AKT3: variants seen among roughly 807,000 people sequenced by gnomAD.
AKT3 encodes AKT serine/threonine kinase 3.
A neutral mutation model predicts 65.3 loss-of-function variants in AKT3; 15 were observed. That is an observed-to-expected ratio of 0.23 (90% CI 0.15 to 0.35). AKT3 has a LOEUF of 0.35. Ranked by LOEUF, AKT3 falls within the 10% of genes least tolerant of loss-of-function variation. AKT3 has a pLI of 1.00. For synonymous variants in AKT3, 206 were observed against 183.8 expected (o/e 1.12, Z -0.98); for missense variants, 243 against 576.5 (o/e 0.42, Z 5.92).
intron 8 of AKT3, among the ~76,000 whole-genome samples, chr1:243,586,789 C>A (rs1675844229): frequency 6.6e-6 from 1 of 151,888 alleles, no homozygotes; most frequent in Non-Finnish European, 1.5e-5. Flanking sequence ...AGTACCTGAT[C>A]ATGGGATCAT....
chr1:243,516,647 G>GCCTCA (rs1670375618), intron 12 of AKT3, among the ~76,000 whole-genome samples: 3 of 151,976 alleles, frequency 2.0e-5, no homozygotes, highest in African/African-American at 7.3e-5. Flanking sequence ...CAAAACTCCT[G>GCCTCA]GCCTCGAGCA....
At chr1:243,591,247 G>T (rs1301661764) in intron 8 of AKT3, among the ~76,000 whole-genome samples, 1 of 152,116 alleles carries the variant, frequency 6.6e-6, no homozygotes, top group African/African-American at 2.4e-5. Flanking sequence ...TAACAGAAAG[G>T]CAAAAATATT....
At position 243,610,688 on chromosome 1, in the gene AKT3, C is replaced by T. The variant is rs560965291; in HGVS notation, c.696+2983G>A. 3.0e-4 allele frequency among the ~76,000 whole-genome samples: 45 copies of T among 152,244 alleles called. 2 individuals carry two copies. The South Asian group carries it at 9.1e-3, about 31-fold the overall frequency. ...TGAAAAGTCTTCCTCCTATCTTATC[C>T]CTGGCCACTCAGTTTATTTTCCCAA... On this transcript the variant is annotated intron_variant, in intron 8 of 13. Transcript: ENST00000673466.
intron 8 of AKT3, among the ~76,000 whole-genome samples, chr1:243,575,891 AAACACATGTAGGG>A (rs988062376): frequency 6.6e-6 from 1 of 152,166 alleles, no homozygotes; most frequent in Non-Finnish European, 1.5e-5. Context: ...AATGGCAAGA[AAACACATGTAGGG>A]AACACATGTA....
chr1:243,766,364 T>C (rs1198881531), intron 2 of AKT3, among the ~76,000 whole-genome samples: 4 of 152,174 alleles, frequency 2.6e-5, no homozygotes, highest in African/African-American at 7.2e-5. Flanking sequence ...TAATTTTAAA[T>C]TGCAATTAGT....
intron 8 of AKT3, among the ~76,000 whole-genome samples, chr1:243,598,333 G>A (rs1328168460): frequency 6.6e-6 from 1 of 152,060 alleles, no homozygotes. Context: ...ATTATTTGCT[G>A]CTAAAATAGG....
intron 2 of AKT3, among the ~76,000 whole-genome samples, chr1:243,701,974 T>C (rs1685492015): frequency 6.6e-6 from 1 of 152,128 alleles, no homozygotes; most frequent in Non-Finnish European, 1.5e-5. Flanking sequence ...TTACCATGTA[T>C]GATTATTTGT....
At chr1:243,679,993 T>C (rs1683804765) in intron 3 of AKT3, among the ~76,000 whole-genome samples, 1 of 152,202 alleles carries the variant, frequency 6.6e-6, no homozygotes, top group African/African-American at 2.4e-5. Flanking sequence ...TTATTACATG[T>C]TTATTTTTAA....
chr1:243,746,463 G>A (rs1180283433), intron 2 of AKT3, among the ~76,000 whole-genome samples: 1 of 152,158 alleles, frequency 6.6e-6, no homozygotes, highest in Non-Finnish European at 1.5e-5. Flanking sequence ...AAACTTTAGA[G>A]AAAATTTCTG....
intron 8 of AKT3, among the ~76,000 whole-genome samples, chr1:243,591,887 A>C (rs1411132556): frequency 6.6e-6 from 1 of 152,214 alleles, no homozygotes; most frequent in East Asian, 1.9e-4. Flanking sequence ...GAACATTAGT[A>C]AACAGTGGGA....
chr1:243,586,175 A>G (rs1675786509), intron 8 of AKT3, among the ~76,000 whole-genome samples: 2 of 152,198 alleles, frequency 1.3e-5, no homozygotes, highest in Admixed American at 1.3e-4. Flanking sequence ...CCACAATGAG[A>G]TATCATCTCA....
intron 2 of AKT3, among the ~76,000 whole-genome samples, chr1:243,783,578 A>T (rs1691048507): frequency 6.6e-6 from 1 of 152,254 alleles, no homozygotes; most frequent in African/African-American, 2.4e-5. Flanking sequence ...AAAAAAATTT[A>T]AAAATTTGTA....
chr1:243,812,624 G>T (rs1693237143), intron 2 of AKT3, among the ~76,000 whole-genome samples: 1 of 152,118 alleles, frequency 6.6e-6, no homozygotes, highest in African/African-American at 2.4e-5. Context: ...ATTCCTCAGG[G>T]ATCTAGAACT....
At chr1:243,602,476 T>C (rs981245502) in intron 8 of AKT3, among the ~76,000 whole-genome samples, 2 of 152,180 alleles carry the variant, frequency 1.3e-5, no homozygotes, top group Non-Finnish European at 2.9e-5. Flanking sequence ...ACTATGAATA[T>C]GAAATGATAA....
chr1:243,842,871 T>C (rs546042481), intron 2 of AKT3, among the ~76,000 whole-genome samples: 1 of 152,324 alleles, frequency 6.6e-6, no homozygotes, highest in Non-Finnish European at 1.5e-5. Flanking sequence ...CAACACTTTC[T>C]GTAACACGCT....
intron 8 of AKT3, among the ~76,000 whole-genome samples, chr1:243,604,351 C>T (rs1362544720): frequency 6.6e-6 from 1 of 152,166 alleles, no homozygotes; most frequent in Non-Finnish European, 1.5e-5. Flanking sequence ...TTCCATGATG[C>T]TCCACTGCCT....
At chr1:243,682,000 A>C (rs2147977936) in intron 3 of AKT3, among the ~76,000 whole-genome samples, 1 of 152,258 alleles carries the variant, frequency 6.6e-6, no homozygotes, top group Admixed American at 6.6e-5. Flanking sequence ...TTAAAACACC[A>C]AATATAATGG....
At chr1:243,585,874 C>G (rs1252577454) in intron 8 of AKT3, among the ~76,000 whole-genome samples, 1 of 151,912 alleles carries the variant, frequency 6.6e-6, no homozygotes, top group African/African-American at 2.4e-5. Flanking sequence ...TGAACAAAAC[C>G]AAAAATCGAC....
chr1:243,670,499 G>A (rs1683085073), intron 3 of AKT3, among the ~76,000 whole-genome samples: 1 of 152,170 alleles, frequency 6.6e-6, no homozygotes, highest in South Asian at 2.1e-4. Flanking sequence ...TACTTCTTTA[G>A]AAGAATATTT....
Sources: gnomAD v4.1 joint callset for allele counts (sites outside exome capture counted in the v4.1 genomes callset) on GRCh38, gnomAD v4.1.1 for gene constraint, MANE v1.5 for transcripts, NCBI Gene and HGNC (gene_info 2026-07-23, HGNC 2026-07-21) for gene names.